The following MYOM1 variants were observed in gnomAD, a reference collection of about 807,000 sequenced individuals.
MYOM1 encodes myomesin 1.
A neutral mutation model predicts 205.3 loss-of-function variants in MYOM1; 164 were observed. The ratio of observed to expected loss-of-function variants is 0.80; its 90% confidence interval spans 0.70 to 0.91. The LOEUF (loss-of-function observed/expected upper bound fraction) is 0.91. Among genes scored for constraint, MYOM1 ranks in the 40% least tolerant of loss-of-function variants. MYOM1 has a pLI of 0.00. For synonymous variants in MYOM1, 772 were observed against 789.4 expected (o/e 0.98, Z 0.37); for missense variants, 2,011 against 2,127.3 (o/e 0.95, Z 1.08).
intron 13 of MYOM1, among the ~76,000 whole-genome samples, chr18:3,148,311 T>C (rs2080158934): frequency 1.3e-5 from 2 of 152,180 alleles, no homozygotes; most frequent in Non-Finnish European, 2.9e-5. Flanking sequence ...CAACAGTGAA[T>C]GGATAAATAC....
chr18:3,125,111 ACC>A (rs1241338299), intron 19 of MYOM1, among the ~76,000 whole-genome samples: 3 of 152,204 alleles, frequency 2.0e-5, no homozygotes, highest in African/African-American at 7.2e-5. Flanking sequence ...GTGTGAATAG[ACC>A]AAGTGTTGGC....
At chr18:3,177,985 C>A (rs928628427) in intron 5 of MYOM1, among the ~76,000 whole-genome samples, 1 of 152,234 alleles carries the variant, frequency 6.6e-6, no homozygotes, top group African/African-American at 2.4e-5. Flanking sequence ...GGGCCTCTCC[C>A]TGGGACCCTG....
At chr18:3,072,329 G>C (rs2078967946) in intron 36 of MYOM1, among the ~76,000 whole-genome samples, 1 of 135,256 alleles carries the variant, frequency 7.4e-6, no homozygotes, top group Non-Finnish European at 1.5e-5. Context: ...GATTACAGCA[G>C]GCGTGAGCCA....
At chr18:3,164,047 G>T (rs1331903120) in intron 10 of MYOM1, among the ~76,000 whole-genome samples, 1 of 151,610 alleles carries the variant, frequency 6.6e-6, no homozygotes, top group Non-Finnish European at 1.5e-5. Flanking sequence ...TGTAGAAATG[G>T]GTTCTTGCCT....
chr18:3,205,638 A>C (rs988279590), intron 2 of MYOM1, among the ~76,000 whole-genome samples: 12 of 152,336 alleles, frequency 7.9e-5, no homozygotes, highest in Admixed American at 2.0e-4. Context: ...CAGTACAACC[A>C]CTTTGGAAAA....
intron 22 of MYOM1, among the ~76,000 whole-genome samples, chr18:3,108,892 G>T (rs1050964926): frequency 4.6e-5 from 7 of 152,022 alleles, no homozygotes; most frequent in Non-Finnish European, 8.8e-5. Flanking sequence ...ACCAGGTAGT[G>T]CCTTGTGGAG....
chr18:3,086,147 G>A lies in MYOM1; in HGVS notation c.4142C>T (p.Ala1381Val). 6.3e-7 allele frequency: 1 copy of A among 1,575,640 alleles called. No homozygotes were observed. ...ECNVLLKCKV[A>V]NIKKETHIVW... The stretch of plus-strand genomic sequence containing the variant: ...AATATGAGTCTCCTTCTTAATATTT[G>A]CCACCTAGGAGAAAAACCATAATTA... The change falls in exon 30 of 38, where the codon GCA (alanine) becomes GTA (valine). Residue 1381 changes from alanine (A) to valine (V), a missense_variant. Ala to Val is a moderately conservative substitution (Grantham distance 64). Coordinates refer to ENST00000356443, the MANE Select transcript of MYOM1 (RefSeq NM_003803.4).
chr18:3,120,156 C>T (rs551413869), intron 19 of MYOM1, among the ~76,000 whole-genome samples, 161 bp from the exon 20 acceptor site: 5 of 152,146 alleles, frequency 3.3e-5, no homozygotes, highest in South Asian at 2.1e-4. Flanking sequence ...TGGATGAAAC[C>T]GTGACCTCCT....
At chr18:3,102,435 G>A in intron 23 of MYOM1, 39 bp downstream of exon 23, 1 of 1,557,154 alleles carries the variant, frequency 6.4e-7, no homozygotes, top group Non-Finnish European at 8.7e-7. Context: ...CTCCTACAGT[G>A]AAAAGGAAAC....
the MYOM1 span, among the ~76,000 whole-genome samples, chr18:3,225,011 G>A: frequency 4.0e-5 from 6 of 149,004 alleles, no homozygotes; most frequent in East Asian, 2.0e-4. Flanking sequence ...ATTTTGAGAC[G>A]GAGTCTCGCT....
chr18:3,222,593 C>T (rs2081336567), upstream of MYOM1, among the ~76,000 whole-genome samples: 1 of 152,108 alleles, frequency 6.6e-6, no homozygotes, highest in East Asian at 1.9e-4. Context: ...ACATTTTGAC[C>T]TAATAAATTA....
chr18:3,107,360 ACCCACCTTGGCCT>A (rs1567908678), intron 22 of MYOM1, among the ~76,000 whole-genome samples: 1 of 152,138 alleles, frequency 6.6e-6, no homozygotes, highest in East Asian at 1.9e-4. Flanking sequence ...CTCATGATCC[ACCCACCTTGGCCT>A]CCCAAAGTGC....
upstream of MYOM1, among the ~76,000 whole-genome samples, chr18:3,221,605 A>G (rs1029589066): frequency 1.3e-5 from 2 of 152,232 alleles, no homozygotes; most frequent in African/African-American, 4.8e-5. Flanking sequence ...AAGCCCGTGT[A>G]CTTGTAGTCA....
intron 36 of MYOM1, among the ~76,000 whole-genome samples, chr18:3,072,600 C>T (rs975259737): frequency 7.2e-5 from 11 of 151,864 alleles, no homozygotes; most frequent in African/African-American, 2.2e-4. Flanking sequence ...GTGATCTGCC[C>T]GCCTCTGCCT....
At chr18:3,157,779 G>A (rs1466863823) in intron 10 of MYOM1, among the ~76,000 whole-genome samples, 1 of 151,112 alleles carries the variant, frequency 6.6e-6, no homozygotes, top group Non-Finnish European at 1.5e-5. Context: ...ACATACTTGG[G>A]ATGACAAGAG....
At chr18:3,224,857 G>C (rs2081346033), upstream of MYOM1, among the ~76,000 whole-genome samples, 3 of 152,096 alleles carry the variant, frequency 2.0e-5, no homozygotes, top group Non-Finnish European at 4.4e-5. Context: ...AGTAGAGACA[G>C]GGTTTCACCA....
At chr18:3,218,409 A>G (rs2144272723) in intron 1 of MYOM1, among the ~76,000 whole-genome samples, 1 of 152,364 alleles carries the variant, frequency 6.6e-6, no homozygotes, top group East Asian at 1.9e-4. Flanking sequence ...TCCCCAGAGA[A>G]GAAAACTGAG....
rs1252924851 is a variant in MYOM1 at position 3,135,929 on chromosome 18, CGGTTT to C, written c.2026-204_2026-200del. On this transcript the variant is annotated intron_variant, in intron 14 of 37. Coordinates refer to ENST00000356443, the MANE Select transcript of MYOM1 (RefSeq NM_003803.4). This position sits in a 1 kb window ranked among gnomAD's most constrained non-coding sequence, Gnocchi z 4.1. ...TCTAAATCAAACTTGGCTTTTGATACGGTTTGGCTGTGTCCCTGCCCAAATCTCAT... is the reference window on the plus strand; with the variant it reads ...TCTAAATCAAACTTGGCTTTTGATACGGCTGTGTCCCTGCCCAAATCTCAT... Among the ~76,000 whole-genome samples the C allele has an allele frequency of 6.6e-6, 1 of 152,136 alleles. No homozygotes were observed. The highest frequency in any genetic ancestry group is 1.5e-5 in the Non-Finnish European group (1 of 68,022).
chr18:3,187,857 CTTTTTTTTTTT>C, intron 4 of MYOM1, among the ~76,000 whole-genome samples: 1 of 124,232 alleles, frequency 8.0e-6, no homozygotes, highest in African/African-American at 3.3e-5. Context: ...ATTTCTTTTT[CTTTTTTTTTTT>C]TTTTTTTTTG....
Sources: allele counts gnomAD v4.1 joint callset (sites outside exome capture counted in the v4.1 genomes callset), GRCh38; gene constraint gnomAD v4.1.1; non-coding constraint Gnocchi (gnomAD v3.1); transcripts MANE v1.5; gene names NCBI Gene and HGNC (gene_info 2026-07-23, HGNC 2026-07-21).